The following LGALS14 variants were observed in gnomAD, a reference collection of about 807,000 sequenced individuals.
LGALS14 encodes the protein placental protein 13-like.
In LGALS14, 14 loss-of-function variants were observed where a neutral mutation model predicts 14.6. The observed-to-expected ratio is 0.96, with a 90% CI of 0.64 to 1.50. LGALS14 has a LOEUF of 1.50. Ranked by LOEUF, LGALS14 falls within the 40% of genes most tolerant of loss-of-function variation. The pLI, the probability that LGALS14 is intolerant of heterozygous loss-of-function variation, is 0.00. For synonymous variants in LGALS14, 57 were observed against 63.9 expected, an observed-to-expected ratio of 0.89 and a Z score of 0.51; for missense variants, 180 against 172.0, an observed-to-expected ratio of 1.05 and a Z score of -0.26.
intron 3 of LGALS14, among the ~76,000 whole-genome samples, chr19:39,707,664 T>C (rs186107781): frequency 1.7e-3 from 261 of 152,332 alleles, no homozygotes; most frequent in Non-Finnish European, 2.7e-3. Flanking sequence ...ATGCCATTTT[T>C]AAAATTTTCA....
chr19:39,705,715 A>G (rs932466951), intron 1 of LGALS14: 1 of 550,754 alleles, frequency 1.8e-6, no homozygotes, highest in African/African-American at 1.9e-5. Flanking sequence ...AGTGGCAGAC[A>G]CCTTTCACCC....
chr19:39,707,704 A>G (rs1436199485), intron 3 of LGALS14, among the ~76,000 whole-genome samples: 1 of 152,214 alleles, frequency 6.6e-6, no homozygotes, highest in Non-Finnish European at 1.5e-5. Context: ...TATACTTAAG[A>G]AAAAGGTGGT....
At chr19:39,705,086 C>T (rs1053506190) in intron 1 of LGALS14, among the ~76,000 whole-genome samples, 11 of 152,100 alleles carry the variant, frequency 7.2e-5, no homozygotes, top group Admixed American at 3.3e-4. Flanking sequence ...ACAGCAGCAC[C>T]TCTGATGAAG....
chr19:39,706,361 C>T lies in LGALS14; in HGVS notation c.16-236C>T, dbSNP rs73930782. On this transcript the variant is annotated intron_variant, in intron 1 of 3. Coordinates refer to ENST00000392052, the MANE Select transcript of LGALS14 (RefSeq NM_020129.3). ...AAGTAATAGATCTAAGATTGCACTGCTAGTATAAGGCAAAATGAGGACTGG... is the reference window on the plus strand; with the variant it reads ...AAGTAATAGATCTAAGATTGCACTGTTAGTATAAGGCAAAATGAGGACTGG... Among the ~76,000 whole-genome samples, 795 of 152,256 alleles carry T rather than the reference C, an allele frequency of 5.2e-3. 6 individuals are homozygous for T. The highest frequency in any genetic ancestry group is 0.018 in the African/African-American group (750 of 41,528).
intron 1 of LGALS14, chr19:39,705,777 C>A: frequency 2.7e-6 from 3 of 1,102,688 alleles, no homozygotes; most frequent in South Asian, 1.5e-5. Flanking sequence ...TCCAGGAGTT[C>A]GATGTTTCAG....
At chr19:39,706,827 C>T (rs1413626322) in intron 2 of LGALS14, among the ~76,000 whole-genome samples, 154 bp downstream of exon 2, 1 of 152,202 alleles carries the variant, frequency 6.6e-6, no homozygotes, top group Non-Finnish European at 1.5e-5. Flanking sequence ...CAGCAACAGA[C>T]ATGAGACCTG....
At chr19:39,708,439 C>A (rs1292499114) in intron 3 of LGALS14, among the ~76,000 whole-genome samples, 2 of 151,822 alleles carry the variant, frequency 1.3e-5, no homozygotes, top group African/African-American at 4.8e-5. Flanking sequence ...TTTCCCAATA[C>A]TTATACTGGA....
intron 3 of LGALS14, among the ~76,000 whole-genome samples, chr19:39,708,252 A>T (rs1351742947): frequency 6.6e-6 from 1 of 152,208 alleles, no homozygotes; most frequent in Non-Finnish European, 1.5e-5. Flanking sequence ...TATCTTGAAG[A>T]CATTATCAAT....
chr19:39,705,423 G>A (rs1973699235), intron 1 of LGALS14, among the ~76,000 whole-genome samples: 2 of 152,268 alleles, frequency 1.3e-5, no homozygotes, highest in African/African-American at 2.4e-5. Flanking sequence ...ATTAGAGGCC[G>A]TGGTTAAAGA....
rs928696762 is a variant in LGALS14 at position 39,707,209 on chromosome 19, A to C, written c.124A>C (p.Thr42Pro). The change falls in exon 3 of 4, where the codon ACT becomes CCT. Residue 42 changes from threonine to proline, a missense_variant. Coordinates refer to ENST00000392052, the MANE Select transcript of LGALS14 (RefSeq NM_020129.3). ...KDPQLEVNFYTGMDEDSDIAF... is the reference protein window; with the variant it reads ...KDPQLEVNFYPGMDEDSDIAF... Reference sequence around the variant, plus strand: ...CCCACAGCTGGAGGTGAATTTCTACACTGGGATGGATGAGGACTCAGATAT... The same window carrying C: ...CCCACAGCTGGAGGTGAATTTCTACCCTGGGATGGATGAGGACTCAGATAT... The C allele has an allele frequency of 6.2e-7, 1 of 1,613,994 alleles. No homozygotes were observed. The highest frequency in any genetic ancestry group is 1.7e-5 in the Admixed American group (1 of 60,016).
intron 3 of LGALS14, among the ~76,000 whole-genome samples, chr19:39,707,950 C>T (rs977383974): frequency 6.6e-6 from 1 of 152,142 alleles, no homozygotes; most frequent in Non-Finnish European, 1.5e-5. Flanking sequence ...GCCGGAATTA[C>T]AGGTGCATGC....
Position 39,707,383 on chromosome 19 carries a change from T to C in LGALS14, c.298T>C (p.Tyr100His), listed in dbSNP as rs1600835726. 1 of 1,613,682 alleles carries C rather than the reference T, an allele frequency of 6.2e-7. No individual in the cohort carries two copies. Among genetic ancestry groups the C allele is most frequent in the African/African-American group, 1.3e-5 (1 of 75,054 alleles). The part of the protein sequence containing the change: ...ELCIYVRHKE[Y>H]KVMVNGQRIY... Reference sequence around the variant, plus strand: ...GTGCATCTATGTGCGTCACAAGGAATACAAGGTGAGTACTTCAGGATCTTC... The same window carrying C: ...GTGCATCTATGTGCGTCACAAGGAACACAAGGTGAGTACTTCAGGATCTTC... The change falls in exon 3 of 4, where the codon TAC (tyrosine) becomes CAC (histidine). Residue 100 changes from tyrosine to histidine, a missense_variant. Coordinates refer to ENST00000392052, the MANE Select transcript of LGALS14 (RefSeq NM_020129.3).
At chr19:39,707,825 T>C (rs1973738877) in intron 3 of LGALS14, among the ~76,000 whole-genome samples, 1 of 152,200 alleles carries the variant, frequency 6.6e-6, no homozygotes, top group Non-Finnish European at 1.5e-5. Context: ...TTTTTATTTT[T>C]TTGAGACAGA....
chr19:39,708,706 C>G (rs1973754216), intron 3 of LGALS14, among the ~76,000 whole-genome samples: 1 of 152,196 alleles, frequency 6.6e-6, no homozygotes, highest in South Asian at 2.1e-4. Context: ...CCTCCTTTAA[C>G]TCTCTAAGAA....
chr19:39,707,665 A>T (rs1364528200), intron 3 of LGALS14, among the ~76,000 whole-genome samples: 2 of 152,190 alleles, frequency 1.3e-5, no homozygotes, highest in Admixed American at 1.3e-4. Flanking sequence ...TGCCATTTTT[A>T]AAATTTTCAT....
chr19:39,707,433 T>C (rs956491767), intron 3 of LGALS14, 45 bp downstream of exon 3: 2 of 1,521,532 alleles, frequency 1.3e-6, no homozygotes, highest in African/African-American at 1.4e-5. Context: ...TGTGGGCTCT[T>C]AGAGCAGGAG....
chr19:39,708,514 A>G (rs2144899174), intron 3 of LGALS14, among the ~76,000 whole-genome samples: 1 of 152,386 alleles, frequency 6.6e-6, no homozygotes, highest in South Asian at 2.1e-4. Context: ...TGAAAAATTA[A>G]CACTAAGAAG....
chr19:39,709,163 A>G, intron 3 of LGALS14, 34 bp from the exon 4 acceptor site: 1 of 1,312,886 alleles, frequency 7.6e-7, no homozygotes, highest in Non-Finnish European at 1.1e-6. Flanking sequence ...GTTTGGTGGC[A>G]TGCTGTCTTT....
intron 3 of LGALS14, 133 bp from the exon 4 acceptor site, chr19:39,709,062 AGT>A: frequency 1.4e-6 from 1 of 696,724 alleles, no homozygotes; most frequent in South Asian, 1.6e-5. Flanking sequence ...AAATCACAGA[AGT>A]GTGTCTACTA....
Sources: gnomAD v4.1 joint callset for allele counts (sites outside exome capture counted in the v4.1 genomes callset) on GRCh38, gnomAD v4.1.1 for gene constraint, MANE v1.5 for transcripts, NCBI Gene and HGNC (gene_info 2026-07-23, HGNC 2026-07-21) for gene names.